The following GFRAL variants were observed in gnomAD, a reference collection of about 807,000 sequenced individuals.
GFRAL encodes the protein GDNF family receptor alpha-like.
GFRAL carries 36 observed loss-of-function variants against 45.4 expected under a neutral mutation model. The ratio of observed to expected loss-of-function variants is 0.79; its 90% CI spans 0.61 to 1.05. The LOEUF (loss-of-function observed/expected upper bound fraction) is 1.05, where lower values mean the gene tolerates loss of function less well. Among genes scored for constraint, GFRAL ranks in the 50% least tolerant of loss-of-function variants. The pLI is 0.00. For missense variants in GFRAL, 507 were observed against 467.5 expected (o/e 1.08, Z -0.78); for synonymous variants, 166 against 154.1 (o/e 1.08, Z -0.57).
chr6:55,344,053 C>T (rs906500258), intron 3 of GFRAL, among the ~76,000 whole-genome samples: 1 of 151,606 alleles, frequency 6.6e-6, no homozygotes, highest in Middle Eastern at 3.2e-3. Flanking sequence ...AATAGCCTAC[C>T]AACCAAAAAA....
intron 6 of GFRAL, among the ~76,000 whole-genome samples, chr6:55,397,881 T>C (rs761079991): frequency 1.3e-5 from 2 of 151,544 alleles, no homozygotes; most frequent in African/African-American, 2.4e-5. Context: ...AAGATTATAA[T>C]ACCGTATTTT....
intron 6 of GFRAL, among the ~76,000 whole-genome samples, chr6:55,385,657 T>C (rs958683667): frequency 1.3e-5 from 2 of 152,088 alleles, no homozygotes; most frequent in African/African-American, 4.8e-5. Context: ...CGTCTAATGA[T>C]ATAAATCTTA....
At chr6:55,396,876 C>CTTTTTTTT (rs369457794) in intron 6 of GFRAL, among the ~76,000 whole-genome samples, 1 of 127,890 alleles carries the variant, frequency 7.8e-6, no homozygotes, top group African/African-American at 2.9e-5. Context: ...AAGGGGGAAG[C>CTTTTTTTT]TTTTTTTTTT....
chr6:55,392,761 AT>A (rs1267046263), intron 6 of GFRAL, among the ~76,000 whole-genome samples: 1 of 152,148 alleles, frequency 6.6e-6, no homozygotes, highest in Non-Finnish European at 1.5e-5. Flanking sequence ...GATTAAAAAA[AT>A]AACTAATGGA....
intron 5 of GFRAL, among the ~76,000 whole-genome samples, chr6:55,355,137 T>C (rs563445219): frequency 1.3e-4 from 20 of 152,110 alleles, no homozygotes; most frequent in Non-Finnish European, 2.6e-4. Context: ...TACTTCTCTA[T>C]ATATTGTTTT....
At chr6:55,359,164 G>GCCTA (rs148113230) in intron 6 of GFRAL, 26 bp downstream of exon 6, 1 of 1,370,008 alleles carries the variant, frequency 7.3e-7, no homozygotes, top group Non-Finnish European at 1.0e-6. Flanking sequence ...AAAATTATCT[G>GCCTA]TCTATCTATC....
chr6:55,346,301 T>G (rs535167380), intron 3 of GFRAL, among the ~76,000 whole-genome samples: 5 of 151,422 alleles, frequency 3.3e-5, no homozygotes, highest in Admixed American at 3.3e-4. Flanking sequence ...CAAATGTCCA[T>G]CAATGATAGA....
At chr6:55,399,600 C>T (rs1300562200) in intron 8 of GFRAL, among the ~76,000 whole-genome samples, 159 bp downstream of exon 8, 2 of 152,120 alleles carry the variant, frequency 1.3e-5, no homozygotes, top group African/African-American at 4.8e-5. Flanking sequence ...TCCATGGAAA[C>T]GTTACTTTCA....
chr6:55,350,675 C>T (rs1323868985), intron 4 of GFRAL, among the ~76,000 whole-genome samples: 5 of 151,966 alleles, frequency 3.3e-5, no homozygotes, highest in African/African-American at 4.8e-5. Context: ...TACAACAAGA[C>T]CCTGTCTCAA....
At chr6:55,375,680 C>T (rs1043831558) in intron 6 of GFRAL, among the ~76,000 whole-genome samples, 1 of 151,882 alleles carries the variant, frequency 6.6e-6, no homozygotes, top group African/African-American at 2.4e-5. Flanking sequence ...GAAAGGGCAA[C>T]CTTGTCTTGT....
chr6:55,360,557 GT>G (rs1268713335), intron 6 of GFRAL, among the ~76,000 whole-genome samples: 1 of 151,918 alleles, frequency 6.6e-6, no homozygotes, highest in African/African-American at 2.4e-5. Context: ...ACAGCTCAGA[GT>G]TTATGGTTTT....
intron 6 of GFRAL, among the ~76,000 whole-genome samples, chr6:55,375,264 G>A (rs988981887): frequency 6.6e-6 from 1 of 152,128 alleles, no homozygotes; most frequent in Non-Finnish European, 1.5e-5. Flanking sequence ...AGCATGGAAT[G>A]TTTCTTCATT....
At position 55,399,215 on chromosome 6, in the gene GFRAL, T is replaced by A; in HGVS notation, c.988T>A (p.Leu330Met). The A allele has an allele frequency of 6.2e-7, 1 of 1,605,486 alleles. No individual in the cohort carries two copies. Among genetic ancestry groups the A allele is most frequent in the Non-Finnish European group, 8.5e-7 (1 of 1,174,378 alleles). The part of the protein sequence containing the change: ...PTLSNVKGMA[L>M]YTRKHANKIT... ...CCTGTCTAATGTCAAAGGCATGGCATTGTATACAAGAAAACATGCAAACAA... is the reference window on the plus strand; with the variant it reads ...CCTGTCTAATGTCAAAGGCATGGCAATGTATACAAGAAAACATGCAAACAA... The change falls in exon 7 of 9, where the codon TTG (leucine) becomes ATG (methionine). Residue 330 changes from leucine to methionine, a missense_variant. Transcript: ENST00000340465.
At chr6:55,344,620 A>G (rs1299891028) in intron 3 of GFRAL, among the ~76,000 whole-genome samples, 12 of 152,244 alleles carry the variant, frequency 7.9e-5, no homozygotes, top group Non-Finnish European at 1.5e-5. Flanking sequence ...ATTCCCTTTG[A>G]AAACTGGCAC....
At chr6:55,377,847 T>C (rs528931190) in intron 6 of GFRAL, among the ~76,000 whole-genome samples, 1 of 152,230 alleles carries the variant, frequency 6.6e-6, no homozygotes. Context: ...GCAATGACTT[T>C]TGTGCAGTAG....
intron 6 of GFRAL, among the ~76,000 whole-genome samples, chr6:55,373,586 C>CCT (rs774015950): frequency 2.6e-5 from 4 of 151,252 alleles, no homozygotes; most frequent in African/African-American, 9.7e-5. Flanking sequence ...CACCTCTGTG[C>CCT]CTCTCTCTCT....
At chr6:55,368,760 C>G (rs1768403620) in intron 6 of GFRAL, among the ~76,000 whole-genome samples, 1 of 152,172 alleles carries the variant, frequency 6.6e-6, no homozygotes, top group Non-Finnish European at 1.5e-5. Flanking sequence ...GCTTGGGGGT[C>G]AGGGGTCAGG....
intron 3 of GFRAL, among the ~76,000 whole-genome samples, chr6:55,346,206 A>T (rs1768039447): frequency 6.6e-6 from 1 of 152,208 alleles, no homozygotes. Context: ...TACCCAAAGG[A>T]TTACAAATCA....
chr6:55,348,849 C>T (rs1195596624), intron 3 of GFRAL, among the ~76,000 whole-genome samples: 3 of 152,106 alleles, frequency 2.0e-5, no homozygotes, highest in Non-Finnish European at 2.9e-5. Context: ...TTTAGGTCTA[C>T]ACAGTAGTTT....
Sources: gnomAD v4.1 joint callset for allele counts (sites outside exome capture counted in the v4.1 genomes callset) on GRCh38, gnomAD v4.1.1 for gene constraint, MANE v1.5 for transcripts, NCBI Gene and HGNC (gene_info 2026-07-23, HGNC 2026-07-21) for gene names.